The following DNAH1 variants were observed in gnomAD, a reference collection of about 807,000 sequenced individuals.
DNAH1 encodes the protein axonemal beta dynein heavy chain 1.
A neutral mutation model predicts 484.3 loss-of-function variants in DNAH1; 327 were observed. The observed-to-expected ratio is 0.68, with a 90% CI of 0.62 to 0.74. DNAH1 has a LOEUF of 0.74. DNAH1 is among the 30% of genes least tolerant of loss of function. The pLI, the probability that DNAH1 is intolerant of heterozygous loss-of-function variation, is 0.00. For synonymous variants in DNAH1, 2,192 were observed against 2,191.9 expected, an observed-to-expected ratio of 1.00 and a Z score of 0.00; for missense variants, 5,052 against 5,546.8, an observed-to-expected ratio of 0.91 and a Z score of 2.83.
chr3:52,366,439 C>T lies in DNAH1; in HGVS notation c.5519-18C>T. 6.4e-7 allele frequency: 1 copy of T among 1,573,934 alleles called. No individual in the cohort carries two copies. The highest frequency in any genetic ancestry group is 8.6e-7 in the Non-Finnish European group (1 of 1,159,936). On this transcript the variant is annotated intron_variant, in intron 34 of 77. Transcript: ENST00000420323. ...AAGCCCATGCTCTGACCCTTGGGCC[C>T]CATGCCATGTCCCCCAGGCTTCCTG...
At chr3:52,386,037 C>A in intron 54 of DNAH1, 123 bp from the exon 55 acceptor site, 1 of 1,141,620 alleles carries the variant, frequency 8.8e-7, no homozygotes, top group Non-Finnish European at 1.2e-6. Flanking sequence ...CCAGACCTCT[C>A]TGGCCTGTCA....
rs1401694763 is a variant in DNAH1, at chr3:52,384,814, C to T, written c.8351C>T (p.Ser2784Leu). The part of the protein sequence containing the change: ...LIQVCVYIHQ[S>L]VSKKCIEYLA... Reference sequence around the variant, plus strand: ...CAGGTCTGTGTGTACATCCACCAGTCGGTGTCCAAGAAGTGCATCGAGTAC... The same window carrying T: ...CAGGTCTGTGTGTACATCCACCAGTTGGTGTCCAAGAAGTGCATCGAGTAC... The change falls in exon 53 of 78, where the codon TCG becomes TTG. Residue 2784 changes from serine to leucine, a missense_variant. Ser to Leu is a moderately radical substitution (Grantham distance 145, BLOSUM62 -2). This residue lies in a region of DNAH1 where 2,929 missense variants were observed against 3,409.4 expected (regional missense o/e 0.86). Coordinates refer to ENST00000420323, the MANE Select transcript of DNAH1 (RefSeq NM_015512.5). The T allele has an allele frequency of 2.5e-6, 4 of 1,605,982 alleles. No homozygotes were observed. In the South Asian group the frequency reaches 3.4e-5, roughly 13 times the overall value.
intron 3 of DNAH1, among the ~76,000 whole-genome samples, chr3:52,324,670 C>G (rs759436056): frequency 6.6e-6 from 1 of 152,138 alleles, no homozygotes; most frequent in East Asian, 1.9e-4. Flanking sequence ...TGTACATTTG[C>G]GCACTTATCT....
upstream of DNAH1, among the ~76,000 whole-genome samples, chr3:52,311,913 A>G (rs569177846): frequency 4.6e-5 from 7 of 152,284 alleles, no homozygotes; most frequent in South Asian, 1.4e-3. Flanking sequence ...CAGCCCCTCC[A>G]TGGGCAGCAC....
upstream of DNAH1, among the ~76,000 whole-genome samples, chr3:52,315,424 A>G (rs940093474): frequency 3.9e-5 from 6 of 152,214 alleles, no homozygotes; most frequent in Non-Finnish European, 8.8e-5. Context: ...CTCAGCCAGC[A>G]AGGAGACACA....
intron 27 of DNAH1, 22 bp downstream of exon 27, chr3:52,360,101 C>A: frequency 6.2e-7 from 1 of 1,613,530 alleles, no homozygotes; most frequent in South Asian, 1.1e-5. Context: ...GGGGGCGCCC[C>A]CAGGGCCAGA....
intron 60 of DNAH1, 63 bp from the exon 61 acceptor site, chr3:52,390,872 A>G (rs1704342189): frequency 6.5e-7 from 1 of 1,546,064 alleles, no homozygotes; most frequent in South Asian, 1.2e-5. Flanking sequence ...GGAGATGCTG[A>G]TGCCCTCAGT....
chr3:52,334,203 A>T (rs1559497494), intron 8 of DNAH1, among the ~76,000 whole-genome samples: 2 of 152,218 alleles, frequency 1.3e-5, no homozygotes, highest in East Asian at 3.8e-4. Flanking sequence ...TGATTACTGA[A>T]TACTGCAGGC....
In DNAH1 at chr3:52,392,981, T is replaced by C; in HGVS notation, c.10430T>C (p.Phe3477Ser). ...ATGTACCAGTACTCCCTTGAGTGGT[T>C]TCTCAACATCTTCCTCTCGGGCATC... Reference protein sequence around the residue: ...DPMYQYSLEWFLNIFLSGIAN... With the variant: ...DPMYQYSLEWSLNIFLSGIAN... Residue 3477 changes from phenylalanine (F) to serine (S), a missense_variant, in exon 65 of 78, where the codon TTT becomes TCT. Coordinates refer to ENST00000420323, the MANE Select transcript of DNAH1 (RefSeq NM_015512.5). 1 of 1,613,544 alleles carries C rather than the reference T, an allele frequency of 6.2e-7. No homozygotes were observed. The highest frequency in any genetic ancestry group is 8.5e-7 in the Non-Finnish European group (1 of 1,179,780).
chr3:52,342,560 C>T (rs1251694554), intron 8 of DNAH1, among the ~76,000 whole-genome samples: 1 of 152,204 alleles, frequency 6.6e-6, no homozygotes, highest in Non-Finnish European at 1.5e-5. Context: ...AATGCAAGCT[C>T]ACCCCAGGTC....
Position 52,379,532 on chromosome 3 carries a change from G to A in DNAH1, c.7378-373G>A, listed in dbSNP as rs1426262345. ...CTTGGTGGGTGGTTAGATGTGGGGTGTTGGGAAAGTGTTAGGAGCATCAAG... is the reference window on the plus strand; with the variant it reads ...CTTGGTGGGTGGTTAGATGTGGGGTATTGGGAAAGTGTTAGGAGCATCAAG... On this transcript the variant is annotated intron_variant, in intron 47 of 77. Transcript: ENST00000420323. This position sits in a 1 kb window ranked among gnomAD's most constrained non-coding sequence, Gnocchi z 4.4. Among the ~76,000 whole-genome samples, 3 of 152,162 alleles carry A rather than the reference G, an allele frequency of 2.0e-5. No individual in the cohort carries two copies. Among genetic ancestry groups the A allele is most frequent in the Non-Finnish European group, 4.4e-5 (3 of 68,032 alleles).
intron 7 of DNAH1, 77 bp downstream of exon 7, chr3:52,331,386 C>T (rs1240359478): frequency 6.8e-7 from 1 of 1,480,822 alleles, no homozygotes; most frequent in Non-Finnish European, 9.1e-7. Flanking sequence ...CAACTCCGCC[C>T]AGGGCACTGC....
rs1261220621 is a variant in DNAH1, at chr3:52,395,107, C to A, written c.10968+48C>A. Reference sequence around the variant, plus strand: ...GACTGGCACCTTGAGCTTGTCCCCACCCTGGGTCCCAGGGCCCTGGCTGCA... The same window carrying A: ...GACTGGCACCTTGAGCTTGTCCCCAACCTGGGTCCCAGGGCCCTGGCTGCA... On this transcript the variant is annotated intron_variant, in intron 68 of 77. Coordinates refer to ENST00000420323, the MANE Select transcript of DNAH1 (RefSeq NM_015512.5). This position sits in a 1 kb window ranked among gnomAD's most constrained non-coding sequence, Gnocchi z 4.4. The A allele has an allele frequency of 6.4e-7, 1 of 1,574,700 alleles. No individual in the cohort carries two copies. The highest frequency in any genetic ancestry group is 1.8e-5 in the Admixed American group (1 of 55,262).
chr3:52,380,237 T>A, intron 48 of DNAH1, 102 bp downstream of exon 48: 1 of 1,051,068 alleles, frequency 9.5e-7, no homozygotes, highest in Non-Finnish European at 1.4e-6. Flanking sequence ...ACTACCACAC[T>A]ATAACCAGGG....
At chr3:52,365,084 G>T (rs1159296199) in intron 34 of DNAH1, 65 bp downstream of exon 34, 6 of 1,554,408 alleles carry the variant, frequency 3.9e-6, no homozygotes, top group Non-Finnish European at 5.2e-6. Context: ...TCCAGGTCAG[G>T]GGGACAGAGA....
chr3:52,379,798 C>T lies in DNAH1; in HGVS notation c.7378-107C>T. The T allele has an allele frequency of 1.0e-6, 1 of 970,324 alleles. No homozygotes were observed. Among genetic ancestry groups the T allele is most frequent in the Non-Finnish European group, 1.5e-6 (1 of 665,636 alleles). 60.1% of individuals were successfully genotyped at this position (970,324 alleles called of 1,614,324 possible). On this transcript the variant is annotated intron_variant, in intron 47 of 77. Transcript: ENST00000420323. This position sits in a 1 kb window ranked among gnomAD's most constrained non-coding sequence, Gnocchi z 4.4. ...GGGCCATGGTGGGAGAGCCAGGCTCCAGTCAGGGCCCCAGGAACTGGGGCC... is the reference window on the plus strand; with the variant it reads ...GGGCCATGGTGGGAGAGCCAGGCTCTAGTCAGGGCCCCAGGAACTGGGGCC...
rs1702495876 is a variant in DNAH1, at chr3:52,353,743, T to C, written c.3480+110T>C. 6.9e-7 allele frequency: 1 copy of C among 1,449,260 alleles called. No individual in the cohort carries two copies. The highest frequency in any genetic ancestry group is 1.4e-5 in the African/African-American group (1 of 71,054). 89.8% of individuals were successfully genotyped at this position (1,449,260 alleles called of 1,614,324 possible). ...GGGAGGATGACAGTAATAAGCCCCA[T>C]CCCTGGGGTCATGAGGCCCAGGGGT... is the stretch of plus-strand genomic sequence containing the variant. On this transcript the variant is annotated intron_variant, in intron 20 of 77. Coordinates refer to ENST00000420323, the MANE Select transcript of DNAH1 (RefSeq NM_015512.5). The surrounding 1 kb of genome is among the most constrained non-coding windows in gnomAD (Gnocchi z 5.0).
At chr3:52,397,597 G>GAGTGACAAGTGACAAGTGACA (rs753022453) in intron 73 of DNAH1, 110 bp from the exon 74 acceptor site, 2 of 1,017,942 alleles carry the variant, frequency 2.0e-6, no homozygotes, top group Non-Finnish European at 2.9e-6. Context: ...TTATGAGCAG[G>GAGTGACAAGTGACAAGTGACA]AGTGACAAGT....
Position 52,357,704 on chromosome 3 carries a change from T to C in DNAH1, c.3949T>C (p.Tyr1317His), listed in dbSNP as rs975620551. 1.3e-6 allele frequency: 2 copies of C among 1,585,898 alleles called. No individual in the cohort carries two copies. Among genetic ancestry groups the C allele is most frequent in the African/African-American group, 2.7e-5 (2 of 74,420 alleles). ...LDLVQKGLSE[Y>H]LETKRSAFPR... Reference sequence around the variant, plus strand: ...CCTGGTGCAGAAGGGCCTCAGCGAGTATCTGGAGACCAAGAGGAGCGCCTT... The same window carrying C: ...CCTGGTGCAGAAGGGCCTCAGCGAGCATCTGGAGACCAAGAGGAGCGCCTT... The change falls in exon 23 of 78, where the codon TAT (tyrosine) becomes CAT (histidine). Residue 1317 changes from tyrosine to histidine, a missense_variant. By Grantham distance (83) the Tyr-to-His change is moderately conservative. Around this residue, in one of 4 missense-constraint regions of DNAH1, gnomAD observed 2,929 missense variants for 3,409.4 expected, o/e 0.86. Coordinates refer to ENST00000420323, the MANE Select transcript of DNAH1 (RefSeq NM_015512.5).
Sources: allele counts gnomAD v4.1 joint callset (sites outside exome capture counted in the v4.1 genomes callset), GRCh38; gene constraint gnomAD v4.1.1; regional missense constraint gnomAD v4.1.1; non-coding constraint Gnocchi (gnomAD v3.1); transcripts MANE v1.5; gene names NCBI Gene and HGNC (gene_info 2026-07-23, HGNC 2026-07-21).